The following SIK2 variants were observed in gnomAD, a reference collection of about 807,000 sequenced individuals.
The protein encoded by SIK2 is serine/threonine-protein kinase SIK2.
In SIK2, 29 loss-of-function variants were observed where a neutral mutation model predicts 103.2. The ratio of observed to expected loss-of-function variants is 0.28; its 90% CI spans 0.21 to 0.38. The LOEUF is 0.38. SIK2 is among the 10% of genes least tolerant of loss of function. The probability of loss-of-function intolerance (pLI) is 1.00; values close to 1 mark genes in which losing one functional copy is unlikely to be tolerated. For missense variants in SIK2, 879 were observed against 1,171.0 expected, an observed-to-expected ratio of 0.75 and a Z score of 3.64; for synonymous variants, 412 against 446.1, an observed-to-expected ratio of 0.92 and a Z score of 0.96.
At chr11:111,712,419 A>C (rs1943525842) in intron 9 of SIK2, 44 bp downstream of exon 9, 1 of 1,580,064 alleles carries the variant, frequency 6.3e-7, no homozygotes, top group Non-Finnish European at 8.6e-7. Context: ...GTTTGGCGAG[A>C]GATTTCAGTT....
chr11:111,619,608 G>A (rs1941855333), intron 2 of SIK2, among the ~76,000 whole-genome samples: 1 of 152,024 alleles, frequency 6.6e-6, no homozygotes, highest in African/African-American at 2.4e-5. Context: ...ACCTCCCAAA[G>A]AGCTGGGATT....
intron 3 of SIK2, among the ~76,000 whole-genome samples, chr11:111,642,150 C>T (rs1942191855): frequency 6.6e-6 from 1 of 152,072 alleles, no homozygotes; most frequent in Non-Finnish European, 1.5e-5. Context: ...TGGAGGGGCT[C>T]CCTCCACACC....
intron 3 of SIK2, among the ~76,000 whole-genome samples, chr11:111,664,457 A>G (rs1942508149): frequency 6.6e-6 from 1 of 152,102 alleles, no homozygotes; most frequent in Non-Finnish European, 1.5e-5. Flanking sequence ...CTCTACTCAA[A>G]ATACAAAAAT....
At chr11:111,671,738 C>G (rs1052379250) in intron 3 of SIK2, 29 of 400,012 alleles carry the variant, frequency 7.2e-5, no homozygotes, top group Middle Eastern at 9.8e-4. Context: ...ATCAGTCAAC[C>G]CTTCCAGGTG....
At chr11:111,698,205 A>T (rs1443341679) in intron 4 of SIK2, among the ~76,000 whole-genome samples, 1 of 152,214 alleles carries the variant, frequency 6.6e-6, no homozygotes, top group Non-Finnish European at 1.5e-5. Flanking sequence ...CTGTAAGCAA[A>T]CAGGAAGCTT....
chr11:111,697,692 A>T (rs1203664732), intron 4 of SIK2, among the ~76,000 whole-genome samples: 1 of 152,094 alleles, frequency 6.6e-6, no homozygotes, highest in African/African-American at 2.4e-5. Context: ...TCTTCAGATG[A>T]TTACAAATAC....
At chr11:111,603,197 G>A (rs1941607583) in intron 1 of SIK2, among the ~76,000 whole-genome samples, 1 of 152,220 alleles carries the variant, frequency 6.6e-6, no homozygotes, top group Admixed American at 6.5e-5. Flanking sequence ...TGACCCCGGC[G>A]CCCCTCCCCT....
intron 3 of SIK2, chr11:111,671,581 T>G (rs1942628191): frequency 3.0e-6 from 1 of 330,482 alleles, no homozygotes; most frequent in African/African-American, 2.2e-5. Context: ...ATTGGAGATG[T>G]CCTCATACTG....
chr11:111,715,865 G>C (rs1305958022), intron 9 of SIK2, among the ~76,000 whole-genome samples: 1 of 123,298 alleles, frequency 8.1e-6, no homozygotes, highest in African/African-American at 3.1e-5. Context: ...GCAGTGACAC[G>C]ATCTCAGCTC....
Position 111,725,437 on chromosome 11 carries a change from T to TTCAG in SIK2, c.*1312_*1315dup, listed in dbSNP as rs375531146. ...AATAAAACTTAACCAACACTTACAA[T>TTCAG]TCAGTCATCAAAGTAAGTAAAAATT... On this transcript the variant is annotated 3_prime_UTR_variant, in exon 15 of 15. Transcript: ENST00000304987. 367 of 152,648 alleles carry TTCAG rather than the reference T, an allele frequency of 2.4e-3. No individual in the cohort carries two copies. Among genetic ancestry groups the TTCAG allele is most frequent in the African/African-American group, 8.2e-3 (340 of 41,578 alleles). 9.5% of individuals were successfully genotyped at this position (152,648 alleles called of 1,614,324 possible).
intron 3 of SIK2, among the ~76,000 whole-genome samples, chr11:111,635,726 G>A (rs1942101049): frequency 6.6e-6 from 1 of 152,238 alleles, no homozygotes; most frequent in Non-Finnish European, 1.5e-5. Context: ...CTGAAATGCA[G>A]TCCATTTTTC....
chr11:111,655,997 A>G (rs1591602955), intron 3 of SIK2, among the ~76,000 whole-genome samples: 2 of 149,084 alleles, frequency 1.3e-5, no homozygotes, highest in Non-Finnish European at 1.5e-5. Context: ...AGCCTGGGCA[A>G]CACAACCCTG....
chr11:111,615,821 A>C (rs1395996563), intron 1 of SIK2, among the ~76,000 whole-genome samples: 1 of 152,190 alleles, frequency 6.6e-6, no homozygotes, highest in African/African-American at 2.4e-5. Flanking sequence ...TTTTCTAGGA[A>C]AATAGTATTT....
At chr11:111,656,759 AGTTACTC>A (rs1371280706) in intron 3 of SIK2, among the ~76,000 whole-genome samples, 1 of 152,186 alleles carries the variant, frequency 6.6e-6, no homozygotes, top group East Asian at 1.9e-4. Context: ...TTCTTACCTG[AGTTACTC>A]GTAAGCTAGT....
At chr11:111,633,787 G>A (rs995008559) in intron 3 of SIK2, among the ~76,000 whole-genome samples, 1 of 152,186 alleles carries the variant, frequency 6.6e-6, no homozygotes, top group East Asian at 1.9e-4. Flanking sequence ...ATGGCATTTG[G>A]TGCTCATCTC....
chr11:111,676,674 AGAT>A (rs1299611153), intron 3 of SIK2, among the ~76,000 whole-genome samples: 5 of 152,350 alleles, frequency 3.3e-5, no homozygotes, highest in African/African-American at 1.2e-4. Flanking sequence ...CTAAAAATGT[AGAT>A]ACCTTTAGAG....
rs1943821505 is a variant in SIK2 at position 111,722,155 on chromosome 11, C to T, written c.2055+215C>T. On this transcript the variant is annotated intron_variant, in intron 13 of 14. Transcript: ENST00000304987. The surrounding 1 kb of genome is among the most constrained non-coding windows in gnomAD (Gnocchi z 4.4). ...GGTGGGAAAGGCTTTGTCCTCAAGC[C>T]CCACGAAAGGATATGCCACTGAGGG... Among the ~76,000 whole-genome samples the T allele has an allele frequency of 6.6e-6, 1 of 152,098 alleles. No homozygotes were observed. Among genetic ancestry groups the T allele is most frequent in the South Asian group, 2.1e-4 (1 of 4,818 alleles).
Position 111,730,535 on chromosome 11 carries a change from G to A in SIK2, c.*6406G>A, listed in dbSNP as rs1005963128. 2.0e-5 allele frequency: 3 copies of A among 152,142 alleles called. No individual in the cohort carries two copies. The highest frequency in any genetic ancestry group is 4.4e-5 in the Non-Finnish European group (3 of 68,028). 9.4% of individuals were successfully genotyped at this position (152,142 alleles called of 1,614,324 possible). On this transcript the variant is annotated 3_prime_UTR_variant, in exon 15 of 15. Coordinates refer to ENST00000304987, the MANE Select transcript of SIK2 (RefSeq NM_015191.3). ...AGGTGGGTGGTTTTGCTGGATGTTT[G>A]GTCTGAAAGAGTTACTTTTGATAAA...
rs1177220174 is a variant in SIK2 at position 111,722,108 on chromosome 11, T to C, written c.2055+168T>C. Among the ~76,000 whole-genome samples the C allele has an allele frequency of 6.6e-6, 1 of 152,244 alleles. No individual in the cohort carries two copies. Among genetic ancestry groups the C allele is most frequent in the Non-Finnish European group, 1.5e-5 (1 of 68,036 alleles). On this transcript the variant is annotated intron_variant, in intron 13 of 14. Coordinates refer to ENST00000304987, the MANE Select transcript of SIK2 (RefSeq NM_015191.3). The surrounding 1 kb of genome is among the most constrained non-coding windows in gnomAD (Gnocchi z 4.4). ...GAGTTTCTAGAAACGTGTTCAGATC[T>C]AGCTTTGTGCTGTGTGTTGGTGGTG... is the stretch of plus-strand genomic sequence containing the variant.
Sources: allele counts gnomAD v4.1 joint callset (sites outside exome capture counted in the v4.1 genomes callset), GRCh38; gene constraint gnomAD v4.1.1; non-coding constraint Gnocchi (gnomAD v3.1); transcripts MANE v1.5; gene names NCBI Gene and HGNC (gene_info 2026-07-23, HGNC 2026-07-21).